The following MEIOSIN variants were observed in gnomAD, a reference collection of about 807,000 sequenced individuals.
The protein encoded by MEIOSIN is meiosis initiator.
MEIOSIN carries 18 observed loss-of-function variants against 23.4 expected under a neutral mutation model. That is an observed-to-expected ratio of 0.77 (90% CI 0.53 to 1.14). The LOEUF (loss-of-function observed/expected upper bound fraction) is 1.14, where lower values mean the gene tolerates loss of function less well. Among genes scored for constraint, MEIOSIN ranks in the 50% most tolerant of loss-of-function variants. The pLI is 0.00. For missense variants in MEIOSIN, 428 were observed against 242.9 expected (o/e 1.76, Z -5.07); for synonymous variants, 187 against 100.6 (o/e 1.86, Z -5.14).
At chr19:45,754,364 T>C (rs1435650086) in intron 6 of MEIOSIN, 115 bp from the exon 7 acceptor site, 1 of 610,080 alleles carries the variant, frequency 1.6e-6, no homozygotes, top group Non-Finnish European at 2.9e-6. Flanking sequence ...GGCATTCCCA[T>C]ACCAGGCCAG....
chr19:45,738,147 G>A (rs1260233530), intron 2 of MEIOSIN, among the ~76,000 whole-genome samples: 3 of 152,180 alleles, frequency 2.0e-5, no homozygotes, highest in Non-Finnish European at 4.4e-5. Context: ...CAGATTGGAG[G>A]TTGGATCAGA....
At position 45,739,730 on chromosome 19, in the gene MEIOSIN, G is replaced by A; in HGVS notation, c.176G>A (p.Arg59Lys). Residue 59 changes from arginine to lysine, a missense_variant and splice_region_variant, in exon 3 of 15, where the codon AGG becomes AAG. Physicochemically the swap from Arg to Lys is conservative, Grantham distance 26. Coordinates refer to ENST00000457052, the MANE Select transcript of MEIOSIN (RefSeq NM_001310124.2). ...EEKWLLKGKLRNQRNQNKLLS... is the reference protein window; with the variant it reads ...EEKWLLKGKLKNQRNQNKLLS... The stretch of plus-strand genomic sequence containing the variant: ...AAATGGTTGCTCAAAGGAAAACTGA[G>A]GTACTGTTAACAGAAAAGGGGGGAT... 2.8e-6 allele frequency: 2 copies of A among 703,480 alleles called. No individual in the cohort carries two copies. The allele number at this position is 703,480 out of a possible 1,614,324, so 43.6% of individuals were successfully genotyped here. A position where few individuals can be genotyped will look rare whatever the true frequency, so the allele number is the denominator to read the frequency against.
rs920130772 is a variant in MEIOSIN at position 45,745,791 on chromosome 19, C to T, written c.306+470C>T. Among the ~76,000 whole-genome samples the T allele has an allele frequency of 3.9e-5, 6 of 152,304 alleles. No individual in the cohort carries two copies. The South Asian group carries it at 1.2e-3, about 32-fold the overall frequency. ...TTCACCATATTGGTCAGGCCGGTCT[C>T]AAATTCCTGACCTCAGGCGATCCAT... On this transcript the variant is annotated intron_variant, in intron 4 of 14. Transcript: ENST00000457052.
chr19:45,750,559 C>T (rs1025968163), intron 4 of MEIOSIN, 116 bp from the exon 5 acceptor site: 12 of 339,454 alleles, frequency 3.5e-5, no homozygotes, highest in Middle Eastern at 5.5e-4. Flanking sequence ...CGGGGTTTCA[C>T]CATGCTGGCC....
chr19:45,744,049 C>CTTT (rs373791690), intron 3 of MEIOSIN, among the ~76,000 whole-genome samples: 1 of 144,254 alleles, frequency 6.9e-6, no homozygotes, highest in Non-Finnish European at 1.5e-5. Context: ...CTTATTTTTA[C>CTTT]TTTTTTTTTT....
intron 4 of MEIOSIN, among the ~76,000 whole-genome samples, chr19:45,749,163 G>A (rs1968645646): frequency 6.6e-6 from 1 of 151,900 alleles, no homozygotes; most frequent in Admixed American, 6.6e-5. Context: ...TTGAGCCCAG[G>A]AGTTTGAGAC....
intron 4 of MEIOSIN, 104 bp downstream of exon 4, chr19:45,745,425 C>T (rs1252940662): frequency 1.6e-6 from 1 of 619,332 alleles, no homozygotes; most frequent in Non-Finnish European, 2.9e-6. Flanking sequence ...CTTTCAGTGG[C>T]AGCATTCAAA....
chr19:45,739,853 C>CTTCCTT, intron 3 of MEIOSIN, 123 bp downstream of exon 3: 1 of 524,484 alleles, frequency 1.9e-6, no homozygotes, highest in Non-Finnish European at 3.4e-6. Flanking sequence ...TTCTTTCTTC[C>CTTCCTT]TTTTTTTTTT....
chr19:45,763,818 A>T (rs533086547), intron 14 of MEIOSIN, among the ~76,000 whole-genome samples, 153 bp from the exon 15 acceptor site: 4 of 152,284 alleles, frequency 2.6e-5, no homozygotes, highest in Admixed American at 2.0e-4. Context: ...GCCGAGTCCC[A>T]TCTTACTGAC....
chr19:45,741,083 C>A (rs1487190133), intron 3 of MEIOSIN, among the ~76,000 whole-genome samples: 1 of 152,098 alleles, frequency 6.6e-6, no homozygotes, highest in African/African-American at 2.4e-5. Context: ...GGTGCGGTGG[C>A]TCACGCCTGT....
At chr19:45,759,612 T>G in intron 11 of MEIOSIN, 122 bp downstream of exon 11, 1 of 639,724 alleles carries the variant, frequency 1.6e-6, no homozygotes, top group Non-Finnish European at 2.9e-6. Context: ...CCATCTGTCC[T>G]TCCACTCATG....
intron 4 of MEIOSIN, among the ~76,000 whole-genome samples, chr19:45,747,881 C>T (rs1180449819): frequency 6.6e-6 from 1 of 152,084 alleles, no homozygotes; most frequent in East Asian, 1.9e-4. Flanking sequence ...AGGCAGATTG[C>T]TTGAGATTAG....
Position 45,754,512 on chromosome 19 carries a change from C to G in MEIOSIN, c.590C>G (p.Ser197Cys), listed in dbSNP as rs992101905. The G allele has an allele frequency of 1.4e-5, 10 of 702,930 alleles. No homozygotes were observed. Among genetic ancestry groups the G allele is most frequent in the Middle Eastern group, 2.3e-4 (1 of 4,390 alleles). 43.5% of individuals were successfully genotyped at this position (702,930 alleles called of 1,614,324 possible). Reference protein sequence around the residue: ...SQTRTPKPRRSLALNKPEKLV... With the variant: ...SQTRTPKPRRCLALNKPEKLV... Reference sequence around the variant, plus strand: ...ACTCGGACCCCGAAGCCTCGCCGCTCTCTGGCCCTGAACAAGCCTGAGAAG... The same window carrying G: ...ACTCGGACCCCGAAGCCTCGCCGCTGTCTGGCCCTGAACAAGCCTGAGAAG... The change falls in exon 7 of 15, where the codon TCT (serine) becomes TGT (cysteine). Residue 197 changes from serine to cysteine, a missense_variant. Coordinates refer to ENST00000457052, the MANE Select transcript of MEIOSIN (RefSeq NM_001310124.2).
chr19:45,759,659 C>T lies in MEIOSIN; in HGVS notation c.1245+169C>T, dbSNP rs565138981. ...CCTTAAAACCGCCCCCCGACCCTCT[C>T]TGCGCTCACTGGTGGCCACCAGATG... On this transcript the variant is annotated intron_variant, in intron 11 of 14. Coordinates refer to ENST00000457052, the MANE Select transcript of MEIOSIN (RefSeq NM_001310124.2). 5.3e-5 allele frequency among the ~76,000 whole-genome samples: 8 copies of T among 152,300 alleles called. No individual in the cohort carries two copies. In the South Asian group the frequency reaches 6.2e-4, roughly 12 times the overall value.
rs563409729 is a variant in MEIOSIN at position 45,761,115 on chromosome 19, A to G, written c.1246-564A>G. ...GTTTTTTAAATTATTTTTAAATTTA[A>G]CTTAATTCAATTTCTTTTTTTTTTT... is the stretch of plus-strand genomic sequence containing the variant. On this transcript the variant is annotated intron_variant, in intron 11 of 14. Coordinates refer to ENST00000457052, the MANE Select transcript of MEIOSIN (RefSeq NM_001310124.2). Among the ~76,000 whole-genome samples the G allele has an allele frequency of 1.3e-4, 18 of 139,670 alleles. No homozygotes were observed. The South Asian group carries it at 3.8e-3, about 30-fold the overall frequency. The allele number at this position is 139,670 out of a possible 152,430, so 91.6% of individuals were successfully genotyped here.
chr19:45,751,146 C>T (rs926167164), intron 5 of MEIOSIN, among the ~76,000 whole-genome samples: 1 of 151,880 alleles, frequency 6.6e-6, no homozygotes, highest in African/African-American at 2.4e-5. Flanking sequence ...GTGGCTGGCG[C>T]CTGTAATCCC....
At chr19:45,761,073 A>G (rs1968930482) in intron 11 of MEIOSIN, among the ~76,000 whole-genome samples, 1 of 151,492 alleles carries the variant, frequency 6.6e-6, no homozygotes, top group African/African-American at 2.4e-5. Context: ...ACCCTCCCAC[A>G]CCACCATGCC....
intron 5 of MEIOSIN, among the ~76,000 whole-genome samples, chr19:45,751,866 G>T (rs1207038266): frequency 1.3e-5 from 2 of 151,454 alleles, no homozygotes; most frequent in East Asian, 3.9e-4. Context: ...GAGTAGGTAG[G>T]ATTACAGGCA....
intron 7 of MEIOSIN, 145 bp from the exon 8 acceptor site, chr19:45,755,825 G>A (rs1168785069): frequency 5.0e-6 from 3 of 599,620 alleles, no homozygotes; most frequent in Non-Finnish European, 8.9e-6. Context: ...TCACACCAAC[G>A]TGACACCCTG....
Sources: allele counts gnomAD v4.1 joint callset (sites outside exome capture counted in the v4.1 genomes callset), GRCh38; gene constraint gnomAD v4.1.1; transcripts MANE v1.5; gene names NCBI Gene and HGNC (gene_info 2026-07-23, HGNC 2026-07-21).